ABCC4: variants seen among roughly 807,000 people sequenced by gnomAD.
The protein encoded by ABCC4 is ATP binding cassette subfamily C member 4 (PEL blood group).
A neutral mutation model predicts 168.5 loss-of-function variants in ABCC4; 102 were observed. The observed-to-expected ratio is 0.61, with a 90% CI of 0.52 to 0.71. The LOEUF is 0.71. ABCC4 is among the 30% of genes least tolerant of loss of function. The pLI, the probability that ABCC4 is intolerant of heterozygous loss-of-function variation, is 0.00. For synonymous variants in ABCC4, 617 were observed against 590.7 expected (o/e 1.04, Z -0.65); for missense variants, 1,402 against 1,605.8 (o/e 0.87, Z 2.17).
At chr13:95,175,995 G>C (rs531365129) in intron 13 of ABCC4, among the ~76,000 whole-genome samples, 1 of 151,904 alleles carries the variant, frequency 6.6e-6, no homozygotes, top group African/African-American at 2.4e-5. Flanking sequence ...ACTCCTTCCC[G>C]TCTGCACACC....
intron 19 of ABCC4, among the ~76,000 whole-genome samples, chr13:95,124,801 C>T (rs1334101243): frequency 6.7e-6 from 1 of 149,562 alleles, no homozygotes; most frequent in African/African-American, 2.5e-5. Flanking sequence ...TTGCCTGAAC[C>T]TGGGAGGCGG....
At chr13:95,244,664 A>AT (rs1566563793) in intron 3 of ABCC4, among the ~76,000 whole-genome samples, 322 of 19,954 alleles carry the variant, frequency 0.016, 69 homozygotes, top group Non-Finnish European at 0.021. Flanking sequence ...AAAGAAAGAA[A>AT]GAAAGAAATC....
intron 21 of ABCC4, among the ~76,000 whole-genome samples, chr13:95,080,222 A>T (rs2034044172): frequency 6.6e-6 from 1 of 152,160 alleles, no homozygotes; most frequent in Non-Finnish European, 1.5e-5. Flanking sequence ...TATCTTTACA[A>T]ACAGAAATTG....
At chr13:95,157,316 G>T (rs2036901767) in intron 19 of ABCC4, among the ~76,000 whole-genome samples, 1 of 147,512 alleles carries the variant, frequency 6.8e-6, no homozygotes, top group African/African-American at 2.6e-5. Context: ...GTAAAACCCT[G>T]TCTCTACTAA....
chr13:95,072,539 T>C, intron 24 of ABCC4, among the ~76,000 whole-genome samples: 1 of 152,226 alleles, frequency 6.6e-6, no homozygotes, highest in East Asian at 1.9e-4. Flanking sequence ...TGGATGATCG[T>C]GAAACCTCAC....
chr13:95,208,333 A>G (rs1263598104), intron 6 of ABCC4, among the ~76,000 whole-genome samples: 1 of 67,924 alleles, frequency 1.5e-5, no homozygotes, highest in Non-Finnish European at 3.2e-5. Context: ...GAAAGAGGAG[A>G]GCAAAAAAAA....
At chr13:95,296,450 T>G (rs916610864) in intron 1 of ABCC4, among the ~76,000 whole-genome samples, 2 of 152,186 alleles carry the variant, frequency 1.3e-5, no homozygotes, top group Non-Finnish European at 2.9e-5. Flanking sequence ...TTTGCTTCTA[T>G]AGTCATGTCA....
At chr13:95,057,246 AT>A (rs112402613) in intron 26 of ABCC4, among the ~76,000 whole-genome samples, 29,021 of 147,626 alleles carry the variant, frequency 0.2, 2,974 homozygotes, top group East Asian at 0.4. Context: ...AGAATTCAGT[AT>A]TTTTTTTTTT....
At position 95,234,683 on chromosome 13, in the gene ABCC4, T is replaced by C; in HGVS notation, c.458A>G (p.His153Arg). 1 of 1,614,092 alleles carries C rather than the reference T, an allele frequency of 6.2e-7. No homozygotes were observed. The highest frequency in any genetic ancestry group is 8.5e-7 in the Non-Finnish European group (1 of 1,180,008). The change falls in exon 4 of 31, where the codon CAC becomes CGC. Residue 153 changes from histidine to arginine, a missense_variant. This residue lies in a region of ABCC4 where 317 missense variants were observed against 345.5 expected (regional missense o/e 0.92). Coordinates refer to ENST00000645237, the MANE Select transcript of ABCC4 (RefSeq NM_005845.5). ...FCTLILAILH[H>R]LYFYHVQCAG... ...ACACTGAACGTGATAAAAATATAAGTGATGCAGTATAGCCAAAATGAGCGT... is the reference window on the plus strand; with the variant it reads ...ACACTGAACGTGATAAAAATATAAGCGATGCAGTATAGCCAAAATGAGCGT...
intron 30 of ABCC4, among the ~76,000 whole-genome samples, chr13:95,025,266 CACACCCCCACA>C (rs2031407822): frequency 2.1e-5 from 1 of 48,564 alleles, no homozygotes; most frequent in African/African-American, 1.2e-4. Flanking sequence ...CACACACCCC[CACACCCCCACA>C]CACACCCCCA....
chr13:95,259,655 G>A (rs1426739529), intron 1 of ABCC4, among the ~76,000 whole-genome samples: 2 of 152,148 alleles, frequency 1.3e-5, no homozygotes, highest in Non-Finnish European at 1.5e-5. Flanking sequence ...CAGCCTTTCT[G>A]GACAGGCTAT....
chr13:95,112,734 G>T (rs1345252166), intron 20 of ABCC4, among the ~76,000 whole-genome samples: 3 of 152,058 alleles, frequency 2.0e-5, no homozygotes, highest in Non-Finnish European at 4.4e-5. Flanking sequence ...GGTTGAGAAG[G>T]CCTCACTTTC....
At chr13:95,228,112 A>C (rs2039517484) in intron 4 of ABCC4, among the ~76,000 whole-genome samples, 2 of 152,212 alleles carry the variant, frequency 1.3e-5, no homozygotes, top group African/African-American at 4.8e-5. Context: ...TTCTGTTTTA[A>C]AACTAAGACC....
In ABCC4 at chr13:95,075,797, T is replaced by G. The variant is rs1357983997; in HGVS notation, c.2687-246A>C. Reference sequence around the variant, plus strand: ...ATAAACGTCCTATTTTTGACCACATTCAAATCTAGTTATAATTCTTTCCTT... The same window carrying G: ...ATAAACGTCCTATTTTTGACCACATGCAAATCTAGTTATAATTCTTTCCTT... On this transcript the variant is annotated intron_variant, in intron 21 of 30. Coordinates refer to ENST00000645237, the MANE Select transcript of ABCC4 (RefSeq NM_005845.5). The G allele has an allele frequency of 1.7e-5, 7 of 400,786 alleles. No homozygotes were observed. In the Admixed American group the frequency reaches 2.4e-4, roughly 14 times the overall value. 24.8% of individuals were successfully genotyped at this position (400,786 alleles called of 1,614,324 possible).
chr13:95,218,694 T>A (rs1220186902), intron 4 of ABCC4, among the ~76,000 whole-genome samples: 1 of 151,174 alleles, frequency 6.6e-6, no homozygotes, highest in Admixed American at 6.6e-5. Flanking sequence ...TACAAAAAAA[T>A]TTAAAAATTA....
At chr13:95,196,799 G>T (rs9634485) in intron 8 of ABCC4, among the ~76,000 whole-genome samples, 1 of 149,808 alleles carries the variant, frequency 6.7e-6, no homozygotes, top group African/African-American at 2.4e-5. Context: ...TTTACTGACC[G>T]GCAATCATTT....
In ABCC4 at chr13:95,234,835, C is replaced by A; in HGVS notation, c.307-1G>T. ...TGGGCTGGATTACTTTGGCACTTTCCTAAAAGAAGAAAAAGAAAAGCCTTT... is the reference window on the plus strand; with the variant it reads ...TGGGCTGGATTACTTTGGCACTTTCATAAAAGAAGAAAAAGAAAAGCCTTT... On this transcript the variant is annotated splice_acceptor_variant, in intron 3 of 30. Transcript: ENST00000645237. LOFTEE classifies it high-confidence loss of function. The A allele has an allele frequency of 6.5e-7, 1 of 1,531,410 alleles. No individual in the cohort carries two copies. Among genetic ancestry groups the A allele is most frequent in the Admixed American group, 2.1e-5 (1 of 46,894 alleles). 94.9% of individuals were successfully genotyped at this position (1,531,410 alleles called of 1,614,324 possible).
intron 19 of ABCC4, among the ~76,000 whole-genome samples, chr13:95,137,110 G>T (rs1224971978): frequency 1.3e-5 from 2 of 152,184 alleles, no homozygotes; most frequent in African/African-American, 4.8e-5. Flanking sequence ...TCCCCTACCG[G>T]ATCCACCCCA....
intron 19 of ABCC4, among the ~76,000 whole-genome samples, chr13:95,152,585 C>T (rs1486014350): frequency 6.6e-6 from 1 of 152,176 alleles, no homozygotes; most frequent in Non-Finnish European, 1.5e-5. Context: ...ATGTAACTAT[C>T]ATTTTCATAA....
Sources: gnomAD v4.1 joint callset for allele counts (sites outside exome capture counted in the v4.1 genomes callset) on GRCh38, gnomAD v4.1.1 for gene constraint, gnomAD v4.1.1 regional missense constraint, MANE v1.5 for transcripts, NCBI Gene and HGNC (gene_info 2026-07-23, HGNC 2026-07-21) for gene names.